The following PHF19 variants were observed in gnomAD, a reference collection of about 807,000 sequenced individuals.
PHF19 encodes the protein PHD finger protein 19.
In PHF19, 21 loss-of-function variants were observed where a neutral mutation model predicts 79.8. That is an observed-to-expected ratio of 0.26 (90% CI 0.19 to 0.38). PHF19 has a LOEUF of 0.38. Among genes scored for constraint, PHF19 ranks in the 10% least tolerant of loss-of-function variants. The probability of loss-of-function intolerance (pLI) is 1.00; values close to 1 mark genes in which losing one functional copy is unlikely to be tolerated. For synonymous variants in PHF19, 273 were observed against 296.3 expected, an observed-to-expected ratio of 0.92 and a Z score of 0.81; for missense variants, 445 against 744.2, an observed-to-expected ratio of 0.60 and a Z score of 4.68.
chr9:120,877,258 G>T, upstream of PHF19: 1 of 911,390 alleles, frequency 1.1e-6, no homozygotes, highest in Non-Finnish European at 1.3e-6. Flanking sequence ...CGGGGAGGAG[G>T]GGGAGGCGGC....
At chr9:120,888,074 G>A (rs1191705635) in intron 1 of PHF19, among the ~76,000 whole-genome samples, 1 of 152,230 alleles carries the variant, frequency 6.6e-6, no homozygotes, top group Middle Eastern at 3.2e-3. Context: ...CCAGGTTCAA[G>A]CGATTCTCCT....
rs2045809080 is a variant in PHF19, at chr9:120,869,108, C to A, written c.614+74G>T. ...CTTGGCTGACACGCCAGGCTCGCTC[C>A]CTATGGGCGGTCCCTGCTGGCGATT... On this transcript the variant is annotated intron_variant, in intron 6 of 14. Transcript: ENST00000373896. This position sits in a 1 kb window ranked among gnomAD's most constrained non-coding sequence, Gnocchi z 5.8. 4 of 1,477,216 alleles carry A rather than the reference C, an allele frequency of 2.7e-6. No individual in the cohort carries two copies. The highest frequency in any genetic ancestry group is 3.6e-6 in the Non-Finnish European group (4 of 1,099,762). 91.5% of individuals were successfully genotyped at this position (1,477,216 alleles called of 1,614,324 possible).
Position 120,866,142 on chromosome 9 carries a change from C to G in PHF19, c.711-46G>C. On this transcript the variant is annotated intron_variant, in intron 7 of 14. Coordinates refer to ENST00000373896, the MANE Select transcript of PHF19 (RefSeq NM_015651.3). The surrounding 1 kb of genome is among the most constrained non-coding windows in gnomAD (Gnocchi z 5.2). Reference sequence around the variant, plus strand: ...GGGCCTATGGTGGGAGGGGCTCTGACACCCCCACCCCAGTCCAGCCCCTTG... The same window carrying G: ...GGGCCTATGGTGGGAGGGGCTCTGAGACCCCCACCCCAGTCCAGCCCCTTG... 1 of 1,334,562 alleles carries G rather than the reference C, an allele frequency of 7.5e-7. No individual in the cohort carries two copies. Among genetic ancestry groups the G allele is most frequent in the Non-Finnish European group, 1.1e-6 (1 of 925,472 alleles). The allele number at this position is 1,334,562 out of a possible 1,614,324, so 82.7% of individuals were successfully genotyped here. A position where few individuals can be genotyped will look rare whatever the true frequency, so the allele number is the denominator to read the frequency against.
rs1345490878 is a variant in PHF19, at chr9:120,868,902, C to T, written c.614+280G>A. 1.0e-5 allele frequency: 10 copies of T among 965,046 alleles called. No homozygotes were observed. The East Asian group carries it at 4.9e-4, about 47-fold the overall frequency. 59.8% of individuals were successfully genotyped at this position (965,046 alleles called of 1,614,324 possible). A position where few individuals can be genotyped will look rare whatever the true frequency, so the allele number is the denominator to read the frequency against. On this transcript the variant is annotated intron_variant, in intron 6 of 14. Transcript: ENST00000373896. ...AACCTTCCGGGCCCGCCCCCCGAGG[C>T]CCCGCCCTCAGGTCCAATCTTCCGG...
chr9:120,857,928 C>T lies in PHF19; in HGVS notation c.*16G>A. 1 of 1,492,614 alleles carries T rather than the reference C, an allele frequency of 6.7e-7. No homozygotes were observed. Among genetic ancestry groups the T allele is most frequent in the Admixed American group, 2.0e-5 (1 of 50,752 alleles). The allele number at this position is 1,492,614 out of a possible 1,614,324, so 92.5% of individuals were successfully genotyped here. On this transcript the variant is annotated 3_prime_UTR_variant, in exon 15 of 15. Coordinates refer to ENST00000373896, the MANE Select transcript of PHF19 (RefSeq NM_015651.3). The stretch of plus-strand genomic sequence containing the variant: ...CTCCTTTGGTTTTCAGGACCCCTGG[C>T]ACCCCCGGGGGCTAGTCAGTAAGGG...
At chr9:120,897,264 C>T (rs759625285), upstream of PHF19, among the ~76,000 whole-genome samples, 5 of 152,192 alleles carry the variant, frequency 3.3e-5, no homozygotes, top group Non-Finnish European at 7.3e-5. Context: ...TGTGCTGAGG[C>T]GGCAAGTGCT....
intron 14 of PHF19, 104 bp downstream of exon 14, chr9:120,859,986 G>A (rs1588088186): frequency 4.3e-6 from 3 of 700,354 alleles, no homozygotes; most frequent in East Asian, 2.8e-5. Context: ...GCCAGAGACT[G>A]AGACACATAG....
At chr9:120,871,554 A>G (rs2045894461) in intron 3 of PHF19, among the ~76,000 whole-genome samples, 1 of 152,208 alleles carries the variant, frequency 6.6e-6, no homozygotes, top group Non-Finnish European at 1.5e-5. Context: ...ATACATGGTG[A>G]CTGGCTGATG....
chr9:120,897,921 G>A (rs950713098), upstream of PHF19, among the ~76,000 whole-genome samples: 3 of 148,952 alleles, frequency 2.0e-5, no homozygotes, highest in African/African-American at 7.5e-5. Flanking sequence ...AGAGGTTGCA[G>A]TGAGCTGAGG....
chr9:120,900,596 T>C, the PHF19 span, among the ~76,000 whole-genome samples: 1 of 152,166 alleles, frequency 6.6e-6, no homozygotes, highest in Non-Finnish European at 1.5e-5. Context: ...GGACAGGGTC[T>C]TGCTCTGTCA....
Position 120,860,006 on chromosome 9 carries a change from C to T in PHF19, c.1400+84G>A, listed in dbSNP as rs1014698356. ...AGACTGAGACACATAGAATGAGCCA[C>T]ACATTACAGAAGTGGGAGGTGGAGG... On this transcript the variant is annotated intron_variant, in intron 14 of 14. Transcript: ENST00000373896. This position sits in a 1 kb window ranked among gnomAD's most constrained non-coding sequence, Gnocchi z 4.1. The T allele has an allele frequency of 1.1e-5, 8 of 746,400 alleles. No individual in the cohort carries two copies. Among genetic ancestry groups the T allele is most frequent in the African/African-American group, 8.7e-5 (5 of 57,766 alleles). The allele number at this position is 746,400 out of a possible 1,614,324, so 46.2% of individuals were successfully genotyped here.
chr9:120,901,642 G>A, the PHF19 span, among the ~76,000 whole-genome samples: 7 of 152,294 alleles, frequency 4.6e-5, no homozygotes, highest in Non-Finnish European at 8.8e-5. Flanking sequence ...TAGCCCCTCG[G>A]ACCCTTGGCT....
Position 120,866,014 on chromosome 9 carries a change from C to T in PHF19, c.779+14G>A, listed in dbSNP as rs566967421. 3 of 1,606,988 alleles carry T rather than the reference C, an allele frequency of 1.9e-6. No homozygotes were observed. The highest frequency in any genetic ancestry group is 1.7e-4 in the Middle Eastern group (1 of 5,848). On this transcript the variant is annotated intron_variant, in intron 8 of 14. Transcript: ENST00000373896. The surrounding 1 kb of genome is among the most constrained non-coding windows in gnomAD (Gnocchi z 5.2). ...GAGGAGCAGCGGTGGTTGGACTAAG[C>T]CCCACCCTCTCACCATCGCAGGGGC...
At chr9:120,878,673 A>G (rs2046130308), upstream of PHF19, among the ~76,000 whole-genome samples, 1 of 151,868 alleles carries the variant, frequency 6.6e-6, no homozygotes, top group Non-Finnish European at 1.5e-5. Context: ...CTGCCCCTTG[A>G]TCCCCCTGCT....
Position 120,874,472 on chromosome 9 carries a change from CT to C in PHF19, c.186+83del. The C allele has an allele frequency of 1.1e-6, 1 of 918,064 alleles. No individual in the cohort carries two copies. Among genetic ancestry groups the C allele is most frequent in the South Asian group, 1.5e-5 (1 of 64,836 alleles). The allele number at this position is 918,064 out of a possible 1,614,324, so 56.9% of individuals were successfully genotyped here. On this transcript the variant is annotated intron_variant, in intron 2 of 14. Transcript: ENST00000373896. The surrounding 1 kb of genome is among the most constrained non-coding windows in gnomAD (Gnocchi z 4.5). ...AGAAGGGAATTCTCCAGCAATCCCCCTGCCCCCTGGTCTGACAGCCAGGCTG... is the reference window on the plus strand; with the variant it reads ...AGAAGGGAATTCTCCAGCAATCCCCCGCCCCCTGGTCTGACAGCCAGGCTG...
chr9:120,873,922 C>G, intron 3 of PHF19, 57 bp downstream of exon 3: 1 of 845,432 alleles, frequency 1.2e-6, no homozygotes, highest in South Asian at 1.4e-5. Flanking sequence ...ATGAAGGCAG[C>G]AGAGGAGAGA....
Position 120,869,098 on chromosome 9 carries a change from A to G in PHF19, c.614+84T>C. 7.3e-7 allele frequency: 1 copy of G among 1,377,140 alleles called. No homozygotes were observed. Among genetic ancestry groups the G allele is most frequent in the South Asian group, 1.4e-5 (1 of 71,906 alleles). 85.3% of individuals were successfully genotyped at this position (1,377,140 alleles called of 1,614,324 possible). A position where few individuals can be genotyped will look rare whatever the true frequency, so the allele number is the denominator to read the frequency against. The stretch of plus-strand genomic sequence containing the variant: ...AGGTCCCCGCCTTGGCTGACACGCC[A>G]GGCTCGCTCCCTATGGGCGGTCCCT... On this transcript the variant is annotated intron_variant, in intron 6 of 14. Coordinates refer to ENST00000373896, the MANE Select transcript of PHF19 (RefSeq NM_015651.3). The surrounding 1 kb of genome is among the most constrained non-coding windows in gnomAD (Gnocchi z 5.8).
Position 120,862,322 on chromosome 9 carries a change from C to T in PHF19, c.1130+266G>A, listed in dbSNP as rs899526060. On this transcript the variant is annotated intron_variant, in intron 11 of 14. Coordinates refer to ENST00000373896, the MANE Select transcript of PHF19 (RefSeq NM_015651.3). This position sits in a 1 kb window ranked among gnomAD's most constrained non-coding sequence, Gnocchi z 4.6. ...GAGAGAGAGGGACCCCTCACACACC[C>T]TGCCTTCCCCTTCACCTCCTTGCCC... Among the ~76,000 whole-genome samples the T allele has an allele frequency of 6.6e-6, 1 of 152,220 alleles. No individual in the cohort carries two copies. Among genetic ancestry groups the T allele is most frequent in the Admixed American group, 6.5e-5 (1 of 15,290 alleles).
At chr9:120,882,373 AG>A (rs1174713031) in intron 1 of PHF19, among the ~76,000 whole-genome samples, 2 of 152,362 alleles carry the variant, frequency 1.3e-5, no homozygotes, top group Middle Eastern at 3.4e-3. Flanking sequence ...AAAAAGCACG[AG>A]GAAGAAAATA....
Sources: allele counts gnomAD v4.1 joint callset (sites outside exome capture counted in the v4.1 genomes callset), GRCh38; gene constraint gnomAD v4.1.1; non-coding constraint Gnocchi (gnomAD v3.1); transcripts MANE v1.5; gene names NCBI Gene and HGNC (gene_info 2026-07-23, HGNC 2026-07-21).